SLIT2: variants seen among roughly 807,000 people sequenced by gnomAD.
The protein encoded by SLIT2 is slit guidance ligand 2.
Under a neutral mutation model 185.7 loss-of-function variants are expected in SLIT2, and 41 were observed. The ratio of observed to expected loss-of-function variants is 0.22; its 90% CI spans 0.17 to 0.29. The LOEUF (loss-of-function observed/expected upper bound fraction) is 0.29. Ranked by LOEUF, SLIT2 falls within the 10% of genes least tolerant of loss-of-function variation. SLIT2 has a pLI of 1.00. For synonymous variants in SLIT2, 693 were observed against 680.2 expected, an observed-to-expected ratio of 1.02 and a Z score of -0.29; for missense variants, 1,571 against 1,909.0, an observed-to-expected ratio of 0.82 and a Z score of 3.30.
chr4:20,388,788 A>ATAT lies in SLIT2; in HGVS notation c.396-78964_396-78963insTAT, dbSNP rs1361241611. Among the ~76,000 whole-genome samples the ATAT allele has an allele frequency of 3.8e-3, 391 of 103,492 alleles. 2 individuals are homozygous for ATAT. The highest frequency in any genetic ancestry group is 7.0e-3 in the Non-Finnish European group (301 of 43,116). 67.9% of individuals were successfully genotyped at this position (103,492 alleles called of 152,430 possible). A position where few individuals can be genotyped will look rare whatever the true frequency, so the allele number is the denominator to read the frequency against. On this transcript the variant is annotated intron_variant, in intron 4 of 36. Coordinates refer to ENST00000504154, the MANE Select transcript of SLIT2 (RefSeq NM_004787.4). ...GACTCCGTCTCAGGGGAAAAAAAAA[A>ATAT]AAAAATATATATATATATAACATAT... is the stretch of plus-strand genomic sequence containing the variant.
chr4:20,474,912 G>A lies in SLIT2; in HGVS notation c.468-5804G>A, dbSNP rs531350272. On this transcript the variant is annotated intron_variant, in intron 5 of 36. Transcript: ENST00000504154. ...ACTATGGCAAAGCCCTGGGAATAGA[G>A]CAGAATGTTGCCAGTTCTATAGTGT... 2.0e-5 allele frequency among the ~76,000 whole-genome samples: 3 copies of A among 151,954 alleles called. No homozygotes were observed. In the South Asian group the frequency reaches 6.2e-4, roughly 32 times the overall value.
chr4:20,470,097 G>C (rs1009318941), intron 5 of SLIT2, among the ~76,000 whole-genome samples: 1 of 152,028 alleles, frequency 6.6e-6, no homozygotes, highest in East Asian at 1.9e-4. Context: ...TTTGGGTTTG[G>C]TATGGTTATT....
chr4:20,493,149 C>T (rs1389501548), intron 9 of SLIT2, among the ~76,000 whole-genome samples: 3 of 152,068 alleles, frequency 2.0e-5, no homozygotes, highest in Non-Finnish European at 4.4e-5. Context: ...GAAACATTGG[C>T]AGCAAAGAAC....
Position 20,542,368 on chromosome 4 carries a change from C to G in SLIT2, c.2144-126C>G, listed in dbSNP as rs1158985937. 3 of 908,892 alleles carry G rather than the reference C, an allele frequency of 3.3e-6. No homozygotes were observed. The African/African-American group carries it at 5.0e-5, about 15-fold the overall frequency. 56.3% of individuals were successfully genotyped at this position (908,892 alleles called of 1,614,324 possible). On this transcript the variant is annotated intron_variant, in intron 20 of 36. Coordinates refer to ENST00000504154, the MANE Select transcript of SLIT2 (RefSeq NM_004787.4). ...TATCAATTAGTAAATACTGAATGTC[C>G]CGCAAATAAATGATTATGTAGCTTA...
chr4:20,456,745 T>A (rs1030695230), intron 4 of SLIT2, among the ~76,000 whole-genome samples: 2 of 152,054 alleles, frequency 1.3e-5, no homozygotes, highest in Non-Finnish European at 2.9e-5. Flanking sequence ...AATATGAAAC[T>A]CACATATATC....
chr4:20,342,743 G>A (rs1376830606), intron 4 of SLIT2, among the ~76,000 whole-genome samples: 2 of 6,958 alleles, frequency 2.9e-4, no homozygotes, highest in African/African-American at 6.3e-4. Flanking sequence ...TTTTTTTTTT[G>A]CACAAATACA....
chr4:20,590,789 T>C (rs1206228043), intron 30 of SLIT2, among the ~76,000 whole-genome samples: 3 of 152,244 alleles, frequency 2.0e-5, no homozygotes, highest in Non-Finnish European at 2.9e-5. Flanking sequence ...AGAGATCATC[T>C]AGTCTTCATT....
intron 9 of SLIT2, among the ~76,000 whole-genome samples, chr4:20,504,699 G>T (rs1257389520): frequency 1.3e-5 from 2 of 152,076 alleles, no homozygotes; most frequent in African/African-American, 4.8e-5. Context: ...TCATGTGTGA[G>T]ATTTATATAT....
rs189014078 is a variant in SLIT2 at position 20,262,761 on chromosome 4, A to G, written c.323+4822A>G. ...CACCTATTCGTAAGCAATGTGGTCA[A>G]TTTTAAATTAGGTTTACTGACGCTG... On this transcript the variant is annotated intron_variant, in intron 3 of 36. Coordinates refer to ENST00000504154, the MANE Select transcript of SLIT2 (RefSeq NM_004787.4). Among the ~76,000 whole-genome samples the G allele has an allele frequency of 7.1e-3, 1,077 of 151,982 alleles. 16 individuals are homozygous for G. The highest frequency in any genetic ancestry group is 0.023 in the African/African-American group (955 of 41,528).
rs1712959995 is a variant in SLIT2, at chr4:20,455,451, G to C, written c.396-12301G>C. 2.0e-5 allele frequency among the ~76,000 whole-genome samples: 3 copies of C among 152,152 alleles called. No homozygotes were observed. In the South Asian group the frequency reaches 6.2e-4, roughly 32 times the overall value. On this transcript the variant is annotated intron_variant, in intron 4 of 36. Coordinates refer to ENST00000504154, the MANE Select transcript of SLIT2 (RefSeq NM_004787.4). ...AAGAAATATTAGACCAAATACAAAAGAGCTGCAAAGGAACCAAAGAGAATA... is the reference window on the plus strand; with the variant it reads ...AAGAAATATTAGACCAAATACAAAACAGCTGCAAAGGAACCAAAGAGAATA...
At chr4:20,526,614 C>CA (rs1419467929) in intron 15 of SLIT2, among the ~76,000 whole-genome samples, 1 of 151,998 alleles carries the variant, frequency 6.6e-6, no homozygotes, top group Non-Finnish European at 1.5e-5. Context: ...AAATAAAGAA[C>CA]AAAAGTCAGG....
chr4:20,264,583 A>G (rs1712830779), intron 3 of SLIT2, among the ~76,000 whole-genome samples: 1 of 151,938 alleles, frequency 6.6e-6, no homozygotes, highest in African/African-American at 2.4e-5. Flanking sequence ...CAAGAGTCAT[A>G]GACACAGCTG....
At chr4:20,435,216 A>T (rs568467980) in intron 4 of SLIT2, among the ~76,000 whole-genome samples, 2 of 152,288 alleles carry the variant, frequency 1.3e-5, no homozygotes, top group African/African-American at 2.4e-5. Flanking sequence ...TAGGGAAAGG[A>T]TTATAAATGC....
Position 20,542,644 on chromosome 4 carries a change from T to G in SLIT2, c.2276+18T>G. Reference sequence around the variant, plus strand: ...ACAGAGTTGTAAGTAGAGCTTGTCTTTCTTTTCTTTTCTTTTTCCTTGATG... The same window carrying G: ...ACAGAGTTGTAAGTAGAGCTTGTCTGTCTTTTCTTTTCTTTTTCCTTGATG... On this transcript the variant is annotated intron_variant, in intron 21 of 36. Coordinates refer to ENST00000504154, the MANE Select transcript of SLIT2 (RefSeq NM_004787.4). 1 of 1,599,486 alleles carries G rather than the reference T, an allele frequency of 6.3e-7. No homozygotes were observed. Among genetic ancestry groups the G allele is most frequent in the Non-Finnish European group, 8.5e-7 (1 of 1,170,958 alleles).
intron 24 of SLIT2, among the ~76,000 whole-genome samples, chr4:20,550,584 T>C (rs905181742): frequency 6.6e-5 from 10 of 152,202 alleles, no homozygotes; most frequent in African/African-American, 2.4e-4. Flanking sequence ...TTCTTTATTT[T>C]CTTTTAATAC....
intron 4 of SLIT2, among the ~76,000 whole-genome samples, chr4:20,424,945 G>A (rs1018254832): frequency 6.6e-6 from 1 of 151,930 alleles, no homozygotes; most frequent in African/African-American, 2.4e-5. Context: ...TATATTTTTG[G>A]TTTACATATT....
chr4:20,309,808 G>A (rs57658552), intron 4 of SLIT2, among the ~76,000 whole-genome samples: 9,227 of 141,210 alleles, frequency 0.065, 593 homozygotes, highest in African/African-American at 0.17. Flanking sequence ...CACCCAGGCT[G>A]GAGTGCAGTG....
chr4:20,478,673 A>C (rs1016339169), intron 5 of SLIT2, among the ~76,000 whole-genome samples: 1 of 152,248 alleles, frequency 6.6e-6, no homozygotes, highest in Non-Finnish European at 1.5e-5. Context: ...TGCATTAGGC[A>C]AATTTGATAG....
intron 4 of SLIT2, among the ~76,000 whole-genome samples, chr4:20,271,550 A>G (rs546662350): frequency 6.7e-6 from 1 of 148,958 alleles, no homozygotes; most frequent in East Asian, 2.0e-4. Flanking sequence ...GTAGAGGCAT[A>G]CTATATGCAG....
Sources: gnomAD v4.1 joint callset for allele counts (sites outside exome capture counted in the v4.1 genomes callset) on GRCh38, gnomAD v4.1.1 for gene constraint, MANE v1.5 for transcripts, NCBI Gene and HGNC (gene_info 2026-07-23, HGNC 2026-07-21) for gene names.